IGDCC3: variants seen among roughly 807,000 people sequenced by gnomAD.
IGDCC3 encodes the protein immunoglobulin superfamily DCC subclass member 3.
A neutral mutation model predicts 72.0 loss-of-function variants in IGDCC3; 47 were observed. The observed-to-expected ratio is 0.65, with a 90% CI of 0.52 to 0.83. The LOEUF (loss-of-function observed/expected upper bound fraction) is 0.83, where lower values mean the gene tolerates loss of function less well. IGDCC3 is among the 40% of genes least tolerant of loss of function. The probability of loss-of-function intolerance (pLI) is 0.00; values close to 1 mark genes in which losing one functional copy is unlikely to be tolerated. For missense variants in IGDCC3, 1,038 were observed against 1,091.3 expected (o/e 0.95, Z 0.69); for synonymous variants, 477 against 472.8 (o/e 1.01, Z -0.11).
Position 65,331,229 on chromosome 15 carries a change from G to A in IGDCC3, c.1397-15C>T. On this transcript the variant is annotated splice_polypyrimidine_tract_variant and intron_variant, in intron 8 of 13. Coordinates refer to ENST00000327987, the MANE Select transcript of IGDCC3 (RefSeq NM_004884.4). Reference sequence around the variant, plus strand: ...CTCCGGTGGGTCTGGAGAGGCACAGGGTGGGCAGGGGAGTGTGAAGGACTG... The same window carrying A: ...CTCCGGTGGGTCTGGAGAGGCACAGAGTGGGCAGGGGAGTGTGAAGGACTG... 6.2e-7 allele frequency: 1 copy of A among 1,612,858 alleles called. No individual in the cohort carries two copies. Among genetic ancestry groups the A allele is most frequent in the South Asian group, 1.1e-5 (1 of 90,928 alleles).
At chr15:65,349,458 G>A (rs570440837) in intron 2 of IGDCC3, among the ~76,000 whole-genome samples, 11 of 152,268 alleles carry the variant, frequency 7.2e-5, no homozygotes, top group African/African-American at 2.6e-4. Flanking sequence ...TATCTCCTTT[G>A]TAAAGTTTTG....
intron 2 of IGDCC3, among the ~76,000 whole-genome samples, chr15:65,338,973 G>C (rs1342228828): frequency 6.6e-6 from 1 of 152,044 alleles, no homozygotes; most frequent in Non-Finnish European, 1.5e-5. Context: ...TATGATCCTA[G>C]CTCACTGCAG....
At chr15:65,338,809 A>G (rs1262693221) in intron 2 of IGDCC3, among the ~76,000 whole-genome samples, 2 of 152,200 alleles carry the variant, frequency 1.3e-5, no homozygotes, top group Non-Finnish European at 2.9e-5. Flanking sequence ...TGTCTTCATG[A>G]ACAGGATCCA....
In IGDCC3 at chr15:65,329,681, T is replaced by TC; in HGVS notation, c.1997+44dup. ...CCACACTCACCTTCTCTAGGCCTAG[T>TC]CCCCCACACACCAGCCCAGCCCCTC... On this transcript the variant is annotated intron_variant, in intron 12 of 13. Transcript: ENST00000327987. This position sits in a 1 kb window ranked among gnomAD's most constrained non-coding sequence, Gnocchi z 4.1. 1 of 1,612,482 alleles carries TC rather than the reference T, an allele frequency of 6.2e-7. No individual in the cohort carries two copies. The highest frequency in any genetic ancestry group is 2.2e-5 in the East Asian group (1 of 44,854).
At chr15:65,362,058 G>A (rs1212384139) in intron 2 of IGDCC3, among the ~76,000 whole-genome samples, 2 of 151,864 alleles carry the variant, frequency 1.3e-5, no homozygotes, top group Non-Finnish European at 2.9e-5. Flanking sequence ...TGACAAGAGC[G>A]CTATTCTCAA....
At chr15:65,347,092 T>C (rs2091130643) in intron 2 of IGDCC3, among the ~76,000 whole-genome samples, 2 of 152,168 alleles carry the variant, frequency 1.3e-5, no homozygotes, top group African/African-American at 4.8e-5. Flanking sequence ...ACAATATCCC[T>C]AACTTCCGTC....
chr15:65,376,216 C>T (rs997079467), intron 1 of IGDCC3, among the ~76,000 whole-genome samples: 1 of 152,224 alleles, frequency 6.6e-6, no homozygotes, highest in Non-Finnish European at 1.5e-5. Context: ...CTCCTAGAAC[C>T]TTTACTTCCA....
At chr15:65,332,358 G>A (rs2090986206) in intron 6 of IGDCC3, among the ~76,000 whole-genome samples, 1 of 152,156 alleles carries the variant, frequency 6.6e-6, no homozygotes, top group Admixed American at 6.5e-5. Flanking sequence ...CTATTTAAAA[G>A]ACTGACATTT....
In IGDCC3 at chr15:65,329,080, G is replaced by A; in HGVS notation, c.2274C>T (p.Gly758=). 6.2e-7 allele frequency: 1 copy of A among 1,611,576 alleles called. No homozygotes were observed. Among genetic ancestry groups the A allele is most frequent in the Non-Finnish European group, 8.5e-7 (1 of 1,179,120 alleles). ...QLSVLPLQGC[G]LMEGKTTEAK... is the part of the protein sequence containing the mutation. ...CCTCCGTCGTCTTCCCCTCCATCAG[G>A]CCGCACCCCTGAAGTGGCAGCACGG... Residue 758 remains glycine (G), a synonymous_variant, in exon 14 of 14, where the codon GGC becomes GGT. Transcript: ENST00000327987. This position sits in a 1 kb window ranked among gnomAD's most constrained non-coding sequence, Gnocchi z 4.1.
chr15:65,331,683 A>G, intron 7 of IGDCC3, 24 bp from the exon 8 acceptor site: 3 of 1,567,400 alleles, frequency 1.9e-6, no homozygotes, highest in Non-Finnish European at 2.6e-6. Context: ...AGACAGCCTC[A>G]GGTTCCCTCC....
Position 65,335,940 on chromosome 15 carries a change from G to A in IGDCC3, c.426C>T (p.His142=), listed in dbSNP as rs2091025429. 4.3e-6 allele frequency: 7 copies of A among 1,614,194 alleles called. No homozygotes were observed. Among genetic ancestry groups the A allele is most frequent in the African/African-American group, 1.3e-5 (1 of 75,050 alleles). Residue 142 remains histidine, a synonymous_variant, in exon 3 of 14, where the codon CAC becomes CAT. Coordinates refer to ENST00000327987, the MANE Select transcript of IGDCC3 (RefSeq NM_004884.4). ...RIQAATMSDF[H]VHPQATVGEE... is the part of the protein sequence containing the mutation. ...CACCCACGGTGGCCTGGGGATGCACGTGGAAGTCCGACATGGCTGGGGGAA... is the reference window on the plus strand; with the variant it reads ...CACCCACGGTGGCCTGGGGATGCACATGGAAGTCCGACATGGCTGGGGGAA...
At position 65,329,651 on chromosome 15, in the gene IGDCC3, T is replaced by G; in HGVS notation, c.1998-54A>C. 1 of 1,611,132 alleles carries G rather than the reference T, an allele frequency of 6.2e-7. No individual in the cohort carries two copies. The highest frequency in any genetic ancestry group is 8.5e-7 in the Non-Finnish European group (1 of 1,177,730). On this transcript the variant is annotated intron_variant, in intron 12 of 13. Coordinates refer to ENST00000327987, the MANE Select transcript of IGDCC3 (RefSeq NM_004884.4). The surrounding 1 kb of genome is among the most constrained non-coding windows in gnomAD (Gnocchi z 4.1). ...GGAGAGAGAAAAGAGACAGAGGCAG[T>G]GAGCCCACACTCACCTTCTCTAGGC...
chr15:65,329,618 G>A lies in IGDCC3; in HGVS notation c.1998-21C>T. On this transcript the variant is annotated intron_variant, in intron 12 of 13. Coordinates refer to ENST00000327987, the MANE Select transcript of IGDCC3 (RefSeq NM_004884.4). The surrounding 1 kb of genome is among the most constrained non-coding windows in gnomAD (Gnocchi z 4.1). The stretch of plus-strand genomic sequence containing the variant: ...GGACCCTAAGGGTTAGCCAAGAGTT[G>A]GGGGGAGGGAGAGAGAAAAGAGACA... 6.2e-7 allele frequency: 1 copy of A among 1,611,586 alleles called. No homozygotes were observed. The highest frequency in any genetic ancestry group is 8.5e-7 in the Non-Finnish European group (1 of 1,178,302).
Position 65,330,382 on chromosome 15 carries a change from T to A in IGDCC3, c.1769A>T (p.Tyr590Phe), listed in dbSNP as rs2090965589. ...GTTGTAGGCGAGCAGCTTCACCTCATACACTGCAGTGGGGTCTGGAGGAAG... is the reference window on the plus strand; with the variant it reads ...GTTGTAGGCGAGCAGCTTCACCTCAAACACTGCAGTGGGGTCTGGAGGAAG... ...NLSQLDPTAV[Y>F]EVKLLAYNQH... is the part of the protein sequence containing the mutation. Residue 590 changes from tyrosine to phenylalanine, a missense_variant, in exon 11 of 14, where the codon TAT (tyrosine) becomes TTT (phenylalanine). Transcript: ENST00000327987. The A allele has an allele frequency of 6.2e-6, 10 of 1,613,692 alleles. No homozygotes were observed. Among genetic ancestry groups the A allele is most frequent in the Non-Finnish European group, 8.5e-6 (10 of 1,179,736 alleles).
chr15:65,353,722 T>C (rs187812520), intron 2 of IGDCC3, among the ~76,000 whole-genome samples: 11 of 152,058 alleles, frequency 7.2e-5, no homozygotes, highest in Non-Finnish European at 1.5e-4. Context: ...ACTACTACAC[T>C]CCCACCAGCA....
intron 4 of IGDCC3, among the ~76,000 whole-genome samples, chr15:65,335,079 A>G (rs1351711341): frequency 6.6e-6 from 1 of 152,044 alleles, no homozygotes; most frequent in Non-Finnish European, 1.5e-5. Flanking sequence ...AGTCCTGGAG[A>G]TCAGCATAGG....
chr15:65,341,848 A>G (rs1161593335), intron 2 of IGDCC3, among the ~76,000 whole-genome samples: 2 of 152,128 alleles, frequency 1.3e-5, no homozygotes, highest in Admixed American at 6.5e-5. Flanking sequence ...ATCTCAGCTC[A>G]CCGCAACCTC....
At chr15:65,356,847 G>GTTTTTTTT (rs1189300061) in intron 2 of IGDCC3, among the ~76,000 whole-genome samples, 2 of 61,786 alleles carry the variant, frequency 3.2e-5, no homozygotes, top group African/African-American at 1.8e-4. Flanking sequence ...GAATGGACCT[G>GTTTTTTTT]CTTTTTTTTT....
At chr15:65,368,276 C>T (rs1485147701) in intron 2 of IGDCC3, among the ~76,000 whole-genome samples, 2 of 151,490 alleles carry the variant, frequency 1.3e-5, no homozygotes, top group African/African-American at 2.4e-5. Flanking sequence ...AAAGTCCTTT[C>T]TCCCTGGGGG....
Sources: allele counts gnomAD v4.1 joint callset (sites outside exome capture counted in the v4.1 genomes callset), GRCh38; gene constraint gnomAD v4.1.1; non-coding constraint Gnocchi (gnomAD v3.1); transcripts MANE v1.5; gene names NCBI Gene and HGNC (gene_info 2026-07-23, HGNC 2026-07-21).